Variants in DGKB observed in about 807,000 individuals in gnomAD.
The protein encoded by DGKB is diacylglycerol kinase beta, also known as 90 kDa diacylglycerol kinase.
A neutral mutation model predicts 114.3 loss-of-function variants in DGKB; 67 were observed. That is an observed-to-expected ratio of 0.59 (90% confidence interval 0.48 to 0.72). DGKB has a LOEUF of 0.72. Among genes scored for constraint, DGKB ranks in the 30% least tolerant of loss-of-function variants. The pLI, the probability that DGKB is intolerant of heterozygous loss-of-function variation, is 0.00. For synonymous variants in DGKB, 398 were observed against 323.1 expected, an observed-to-expected ratio of 1.23 and a Z score of -2.49; for missense variants, 907 against 975.2, an observed-to-expected ratio of 0.93 and a Z score of 0.93.
chr7:14,459,062 C>T (rs537394761), intron 21 of DGKB, among the ~76,000 whole-genome samples: 1 of 152,294 alleles, frequency 6.6e-6, no homozygotes, highest in East Asian at 1.9e-4. Flanking sequence ...CGGTTTTACC[C>T]TCACAGTGTA....
chr7:14,368,552 C>G (rs923821723), intron 21 of DGKB, among the ~76,000 whole-genome samples: 1 of 150,184 alleles, frequency 6.7e-6, no homozygotes, highest in African/African-American at 2.5e-5. Flanking sequence ...AATGAAGAAA[C>G]AGATGCAAAC....
intron 2 of DGKB, among the ~76,000 whole-genome samples, chr7:14,782,497 G>A (rs562682412): frequency 6.6e-6 from 1 of 152,108 alleles, no homozygotes; most frequent in African/African-American, 2.4e-5. Flanking sequence ...TGCCTACTCT[G>A]TCCTTTGCTC....
chr7:14,415,577 A>G (rs1201513069), intron 21 of DGKB, among the ~76,000 whole-genome samples: 4 of 151,948 alleles, frequency 2.6e-5, no homozygotes, highest in Admixed American at 6.6e-5. Flanking sequence ...AGCTTCATCC[A>G]TGTCCCTACA....
intron 21 of DGKB, among the ~76,000 whole-genome samples, chr7:14,365,560 T>C (rs568520949): frequency 6.6e-6 from 1 of 152,146 alleles, no homozygotes; most frequent in African/African-American, 2.4e-5. Context: ...ATCATATCTA[T>C]CTCGTAATTA....
At chr7:14,937,927 C>A (rs1455888215) in intron 1 of DGKB, among the ~76,000 whole-genome samples, 1 of 152,036 alleles carries the variant, frequency 6.6e-6, no homozygotes, top group Non-Finnish European at 1.5e-5. Context: ...CTTACTTTGT[C>A]GTAAATGCAG....
intron 23 of DGKB, among the ~76,000 whole-genome samples, chr7:14,225,355 T>C (rs1462889118): frequency 6.6e-6 from 1 of 152,084 alleles, no homozygotes; most frequent in East Asian, 1.9e-4. Flanking sequence ...TATTTATTTA[T>C]TTATTCATTA....
At chr7:14,845,646 C>A (rs1430058319) in intron 1 of DGKB, among the ~76,000 whole-genome samples, 1 of 55,922 alleles carries the variant, frequency 1.8e-5, no homozygotes, top group Non-Finnish European at 3.3e-5. Context: ...ATGAATATTT[C>A]TTGAATGAAT....
intron 1 of DGKB, among the ~76,000 whole-genome samples, chr7:14,963,594 G>A (rs966494441): frequency 2.0e-5 from 3 of 152,248 alleles, no homozygotes; most frequent in Admixed American, 6.5e-5. Context: ...TTGGAGTGGA[G>A]GAATGGTCGT....
At chr7:14,392,995 G>GTTTTTTTTTTTTGTTTT (rs1821608933) in intron 21 of DGKB, among the ~76,000 whole-genome samples, 1 of 60,546 alleles carries the variant, frequency 1.7e-5, no homozygotes, top group Non-Finnish European at 3.4e-5. Context: ...TTTTGTTTTT[G>GTTTTTTTTTTTTGTTTT]TTTTTTTTTT....
chr7:14,776,590 T>G (rs4721370), intron 2 of DGKB, among the ~76,000 whole-genome samples: 151,906 of 152,340 alleles, frequency 1, 75,736 homozygotes, highest in Middle Eastern at 1. Context: ...CGAAGCCTTG[T>G]TAGCTTCCAT....
chr7:14,566,072 C>T (rs1299296317), intron 20 of DGKB, among the ~76,000 whole-genome samples: 1 of 149,132 alleles, frequency 6.7e-6, no homozygotes, highest in African/African-American at 2.5e-5. Flanking sequence ...TTCCATTATA[C>T]TTATATAATT....
chr7:14,350,731 C>G (rs1476391885), intron 21 of DGKB, among the ~76,000 whole-genome samples: 2 of 151,204 alleles, frequency 1.3e-5, no homozygotes, highest in Admixed American at 1.3e-4. Context: ...CATTTTCAAG[C>G]ATCGTTAACT....
At chr7:14,211,124 C>T (rs982541760) in intron 23 of DGKB, among the ~76,000 whole-genome samples, 3 of 152,038 alleles carry the variant, frequency 2.0e-5, no homozygotes, top group Non-Finnish European at 4.4e-5. Context: ...TCAAATCTGG[C>T]TCCTTTCCTC....
intron 1 of DGKB, among the ~76,000 whole-genome samples, chr7:14,875,621 A>G (rs1408803006): frequency 1.3e-5 from 2 of 152,182 alleles, no homozygotes; most frequent in African/African-American, 4.8e-5. Context: ...ATCATTATGA[A>G]ATTCATGAAA....
chr7:14,434,349 AT>A (rs1393445850), intron 21 of DGKB, among the ~76,000 whole-genome samples: 4 of 152,224 alleles, frequency 2.6e-5, no homozygotes, highest in African/African-American at 7.2e-5. Flanking sequence ...AAATTTTAGG[AT>A]TTGGGGAGGG....
At chr7:14,729,267 C>T (rs145370313) in intron 5 of DGKB, among the ~76,000 whole-genome samples, 19,936 of 147,842 alleles carry the variant, frequency 0.13, 1,813 homozygotes, top group African/African-American at 0.24. Context: ...GGACTACAGG[C>T]GCCTGCCACC....
intron 2 of DGKB, among the ~76,000 whole-genome samples, chr7:14,763,242 A>C (rs1835969542): frequency 6.6e-6 from 1 of 151,978 alleles, no homozygotes; most frequent in Admixed American, 6.6e-5. Flanking sequence ...CTTATCCACA[A>C]AATCTCTCAG....
At chr7:14,514,852 A>C (rs1788529920) in intron 20 of DGKB, among the ~76,000 whole-genome samples, 1 of 151,934 alleles carries the variant, frequency 6.6e-6, no homozygotes, top group East Asian at 1.9e-4. Flanking sequence ...CCAGGAGTTT[A>C]AGATCAGCCT....
chr7:14,940,303 G>C (rs1785501810), intron 1 of DGKB, among the ~76,000 whole-genome samples: 1 of 150,624 alleles, frequency 6.6e-6, no homozygotes, highest in Admixed American at 6.6e-5. Context: ...TTTCAGGTAA[G>C]ACCTTTTTAA....
Sources: allele counts gnomAD v4.1 joint callset (sites outside exome capture counted in the v4.1 genomes callset), GRCh38; gene constraint gnomAD v4.1.1; transcripts MANE v1.5; gene names NCBI Gene and HGNC (gene_info 2026-07-23, HGNC 2026-07-21).